Variants in MYO15B observed in about 807,000 individuals in gnomAD.
MYO15B encodes the protein myosin XVB pseudogene.
Under a neutral mutation model 119.3 loss-of-function variants are expected in MYO15B, and 207 were observed. The observed-to-expected ratio is 1.73, with a 90% CI of 1.55 to 1.95. MYO15B has a LOEUF of 1.95. Ranked by LOEUF, MYO15B falls within the 30% of genes most tolerant of loss-of-function variation. MYO15B has a pLI of 0.00. For synonymous variants in MYO15B, 966 were observed against 498.9 expected (o/e 1.94, Z -12.48); for missense variants, 2,264 against 1,203.1 (o/e 1.88, Z -13.04).
chr17:75,597,665 C>G (rs1324918539), intron 14 of MYO15B, among the ~76,000 whole-genome samples: 1 of 152,240 alleles, frequency 6.6e-6, no homozygotes, highest in East Asian at 1.9e-4. Flanking sequence ...TGGCTCACGC[C>G]TGTAATCCCA....
intron 14 of MYO15B, among the ~76,000 whole-genome samples, chr17:75,598,495 G>A (rs547588799): frequency 5.0e-4 from 71 of 141,624 alleles, no homozygotes; most frequent in Middle Eastern, 4.2e-3. Context: ...GGAGAATGGC[G>A]TGAGCCTGGG....
chr17:75,606,728 C>G (rs1172238844), intron 21 of MYO15B, among the ~76,000 whole-genome samples: 1 of 152,176 alleles, frequency 6.6e-6, no homozygotes, highest in Non-Finnish European at 1.5e-5. Context: ...CCGCCTCAGC[C>G]TCCCAAAATG....
exon 19 of MYO15B, chr17:75,603,230 C>T (rs1284617199): frequency 1.4e-6 from 1 of 703,096 alleles, no homozygotes; most frequent in South Asian, 1.5e-5. Flanking sequence ...AGAGCAACTG[C>T]ACCAGGCAGC....
chr17:75,613,217 G>A lies in MYO15B; in HGVS notation c.4967+8G>A. On this transcript the variant is annotated splice_region_variant and intron_variant, in intron 27 of 63. Coordinates refer to ENST00000645453, the Ensembl canonical transcript of MYO15B. ...ACAGAAGCCACTGCTCAAGTAAGGG[G>A]CCTGGGAGGTGGGGACCTGGCAGGT... is the stretch of plus-strand genomic sequence containing the variant. 1.5e-6 allele frequency: 1 copy of A among 685,604 alleles called. No individual in the cohort carries two copies. Among genetic ancestry groups the A allele is most frequent in the South Asian group, 1.5e-5 (1 of 67,018 alleles). The allele number at this position is 685,604 out of a possible 1,614,324, so 42.5% of individuals were successfully genotyped here.
intron 12 of MYO15B, among the ~76,000 whole-genome samples, chr17:75,595,528 G>A (rs183004523): frequency 2.0e-5 from 3 of 152,324 alleles, no homozygotes; most frequent in Non-Finnish European, 2.9e-5. Context: ...CAGCGTTCCC[G>A]TCTGTAAAAC....
exon 17 of MYO15B, chr17:75,602,875 G>A (rs1385385182): frequency 3.0e-6 from 2 of 676,014 alleles, no homozygotes; most frequent in Non-Finnish European, 5.4e-6. Flanking sequence ...GTCCAGGGGA[G>A]GGCGAGGCAG....
chr17:75,611,978 C>G lies in MYO15B; in HGVS notation c.4597C>G (p.Leu1533Val), dbSNP rs1257737954. Residue 1533 changes from leucine to valine, a missense_variant, in exon 25 of 64, where the codon CTG becomes GTG. Physicochemically the swap from Leu to Val is conservative, Grantham distance 32. Coordinates refer to ENST00000645453, the Ensembl canonical transcript of MYO15B. ...CCTGACTCTCCCAGCAGACATTGAC[C>G]TGTTCCCTTTCTCCAGCTTCGTCGC... 5.7e-6 allele frequency: 4 copies of G among 702,840 alleles called. No individual in the cohort carries two copies. The Admixed American group carries it at 6.0e-5, about 11-fold the overall frequency. 43.5% of individuals were successfully genotyped at this position (702,840 alleles called of 1,614,324 possible).
At chr17:75,614,557 C>G (rs1315992060) in intron 30 of MYO15B, 26 bp from the exon 31 acceptor site, 1 of 699,994 alleles carries the variant, frequency 1.4e-6, no homozygotes, top group Admixed American at 2.0e-5. Context: ...TTGGCCACCC[C>G]CTTAGCTGGA....
chr17:75,595,011 A>G (rs1431042783), intron 12 of MYO15B, 39 bp downstream of exon 12: 1 of 698,422 alleles, frequency 1.4e-6, no homozygotes, highest in Non-Finnish European at 2.6e-6. Context: ...GGGGGCACCC[A>G]TATAATTCCG....
At chr17:75,614,924 G>A in intron 32 of MYO15B, 37 bp from the exon 33 acceptor site, 1 of 702,962 alleles carries the variant, frequency 1.4e-6, no homozygotes, top group Non-Finnish European at 2.6e-6. Flanking sequence ...ATTTTTCTCA[G>A]GGCTCTCACT....
chr17:75,593,601 G>A (rs1482239618), intron 9 of MYO15B, among the ~76,000 whole-genome samples: 2 of 148,564 alleles, frequency 1.3e-5, no homozygotes, highest in Non-Finnish European at 3.0e-5. Flanking sequence ...GTGACAGAGC[G>A]AGACTCCGTC....
chr17:75,614,046 G>A (rs1164051055), intron 29 of MYO15B, 153 bp from the exon 30 acceptor site: 17 of 610,110 alleles, frequency 2.8e-5, no homozygotes, highest in Non-Finnish European at 4.4e-5. Flanking sequence ...GAGGAGGGGA[G>A]CAGCCCCCAC....
rs544427168 is a variant in MYO15B at position 75,589,499 on chromosome 17, A to C, written c.1442A>C (p.Gln481Pro). Residue 481 changes from glutamine (Q) to proline (P), a missense_variant, in exon 1 of 64, where the codon CAG (glutamine) becomes CCG (proline). By Grantham distance (76) the Gln-to-Pro change is moderately conservative. Transcript: ENST00000645453. This position sits in a 1 kb window ranked among gnomAD's most constrained non-coding sequence, Gnocchi z 4.2. ...AGAGGTGACGAGGGCCGGGACCACC[A>C]GAGAGGGTACGAGGGGTGGGGCCGT... The C allele has an allele frequency of 7.6e-6, 3 of 397,038 alleles. No homozygotes were observed. In the South Asian group the frequency reaches 3.8e-4, roughly 51 times the overall value. The allele number at this position is 397,038 out of a possible 1,614,324, so 24.6% of individuals were successfully genotyped here.
chr17:75,589,819 G>C lies in MYO15B; in HGVS notation c.1762G>C (p.Gly588Arg), dbSNP rs2056323381. Residue 588 changes from glycine to arginine, a missense_variant, in exon 1 of 64, where the codon GGG (glycine) becomes CGG (arginine). Gly to Arg is a moderately radical substitution (Grantham distance 125). Transcript: ENST00000645453. The surrounding 1 kb of genome is among the most constrained non-coding windows in gnomAD (Gnocchi z 4.2). The stretch of plus-strand genomic sequence containing the variant: ...TGCAGGGGTGGGGGGGCACAGTGAG[G>C]GGTGCAGGACGAGTGGGGAAGGGGT... 1 of 398,564 alleles carries C rather than the reference G, an allele frequency of 2.5e-6. No homozygotes were observed. Among genetic ancestry groups the C allele is most frequent in the Non-Finnish European group, 4.4e-6 (1 of 225,970 alleles). The allele number at this position is 398,564 out of a possible 1,614,324, so 24.7% of individuals were successfully genotyped here.
exon 21 of MYO15B, chr17:75,605,997 C>A (rs1251475915): frequency 1.4e-6 from 1 of 700,942 alleles, no homozygotes. Flanking sequence ...CGGATGCAGG[C>A]TCGCATGCGT....
Position 75,589,859 on chromosome 17 carries a change from G to T in MYO15B, c.1802G>T (p.Arg601Leu), listed in dbSNP as rs1455913627. The change falls in exon 1 of 64, where the codon CGC becomes CTC. Residue 601 changes from arginine (R) to leucine (L), a missense_variant. Arg to Leu is a moderately radical substitution (Grantham distance 102). Transcript: ENST00000645453. This position sits in a 1 kb window ranked among gnomAD's most constrained non-coding sequence, Gnocchi z 4.2. ...GGGGAAGGGGTGTCCGGGCTTCGTC[G>T]CGGCTCCCTCCTTGCCCCGACTGCA... 10 of 398,418 alleles carry T rather than the reference G, an allele frequency of 2.5e-5. No homozygotes were observed. The highest frequency in any genetic ancestry group is 7.1e-5 in the East Asian group (2 of 28,080). The allele number at this position is 398,418 out of a possible 1,614,324, so 24.7% of individuals were successfully genotyped here.
intron 30 of MYO15B, 91 bp from the exon 31 acceptor site, chr17:75,614,492 G>T (rs1404087280): frequency 3.0e-6 from 2 of 673,766 alleles, no homozygotes; most frequent in Non-Finnish European, 5.4e-6. Flanking sequence ...CCCAACCATG[G>T]GGTGACCCCC....
Position 75,594,821 on chromosome 17 carries a change from C to G in MYO15B, c.3165-19C>G, listed in dbSNP as rs1306214005. On this transcript the variant is annotated intron_variant, in intron 11 of 63. Coordinates refer to ENST00000645453, the Ensembl canonical transcript of MYO15B. The stretch of plus-strand genomic sequence containing the variant: ...CGAGGCACGGCTCTATGTGGCTCAC[C>G]CACCCGCCATGCCTACAGGGACGCC... The G allele has an allele frequency of 2.8e-6, 2 of 702,694 alleles. No homozygotes were observed. Among genetic ancestry groups the G allele is most frequent in the Non-Finnish European group, 5.2e-6 (2 of 384,880 alleles). The allele number at this position is 702,694 out of a possible 1,614,324, so 43.5% of individuals were successfully genotyped here.
intron 21 of MYO15B, 115 bp from the exon 22 acceptor site, chr17:75,610,051 T>C: frequency 1.8e-6 from 1 of 544,966 alleles, no homozygotes; most frequent in Non-Finnish European, 3.3e-6. Context: ...CATCCAGGGC[T>C]TCTCTGGTCC....
Sources: allele counts gnomAD v4.1 joint callset (sites outside exome capture counted in the v4.1 genomes callset), GRCh38; gene constraint gnomAD v4.1.1; non-coding constraint Gnocchi (gnomAD v3.1); transcripts MANE v1.5; gene names NCBI Gene and HGNC (gene_info 2026-07-23, HGNC 2026-07-21).